SEZ6L: variants seen among roughly 807,000 people sequenced by gnomAD.
SEZ6L encodes the protein seizure related 6 homolog like, also known as seizure 6-like protein.
A neutral mutation model predicts 106.2 loss-of-function variants in SEZ6L; 37 were observed. The ratio of observed to expected loss-of-function variants is 0.35; its 90% CI spans 0.27 to 0.46. The LOEUF (loss-of-function observed/expected upper bound fraction) is 0.46. Ranked by LOEUF, SEZ6L falls within the 20% of genes least tolerant of loss-of-function variation. The pLI is 1.00. For synonymous variants in SEZ6L, 541 were observed against 570.4 expected (o/e 0.95, Z 0.73); for missense variants, 1,172 against 1,332.8 (o/e 0.88, Z 1.88).
At chr22:26,254,288 A>G (rs1234844974) in intron 1 of SEZ6L, among the ~76,000 whole-genome samples, 3 of 152,154 alleles carry the variant, frequency 2.0e-5, no homozygotes, top group African/African-American at 7.2e-5. Context: ...AACTGTAGCA[A>G]AAGTTGTATA....
In SEZ6L at chr22:26,311,447, G is replaced by T. The variant is rs2081827164; in HGVS notation, c.1682-321G>T. Among the ~76,000 whole-genome samples the T allele has an allele frequency of 2.0e-5, 3 of 152,194 alleles. 1 individual carries two copies. In the South Asian group the frequency reaches 6.2e-4, roughly 32 times the overall value. On this transcript the variant is annotated intron_variant, in intron 7 of 16. Transcript: ENST00000248933. ...ATAGACAGCCCTACAGTTTCCAGTGGCAAAAAGTCAGGGCTCTGAAGTTAC... is the reference window on the plus strand; with the variant it reads ...ATAGACAGCCCTACAGTTTCCAGTGTCAAAAAGTCAGGGCTCTGAAGTTAC...
At chr22:26,184,853 G>A (rs1939667892) in intron 1 of SEZ6L, among the ~76,000 whole-genome samples, 2 of 152,210 alleles carry the variant, frequency 1.3e-5, no homozygotes, top group African/African-American at 4.8e-5. Flanking sequence ...GGCTAAGAAG[G>A]CAGGTGGATC....
rs544244671 is a variant in SEZ6L at position 26,326,169 on chromosome 22, C to T, written c.2015+12267C>T. ...CTCCTTGGCCACGCCACGCTCTTCT[C>T]GCCTTGGTGACTGCAAGAGCCTACT... On this transcript the variant is annotated intron_variant, in intron 9 of 16. Transcript: ENST00000248933. 6.6e-5 allele frequency among the ~76,000 whole-genome samples: 10 copies of T among 152,334 alleles called. No homozygotes were observed. The East Asian group carries it at 1.5e-3, about 24-fold the overall frequency.
At chr22:26,193,396 C>T (rs548823683) in intron 1 of SEZ6L, among the ~76,000 whole-genome samples, 1 of 152,276 alleles carries the variant, frequency 6.6e-6, no homozygotes, top group South Asian at 2.1e-4. Flanking sequence ...GTAACATACT[C>T]AAGATCACAA....
At chr22:26,375,534 G>C (rs753515869) in intron 14 of SEZ6L, 41 bp from the exon 15 acceptor site, 1 of 1,552,638 alleles carries the variant, frequency 6.4e-7, no homozygotes, top group South Asian at 1.1e-5. Flanking sequence ...CTGGGAGTCA[G>C]CTACCTGGGA....
At chr22:26,232,997 C>T (rs553746431) in intron 1 of SEZ6L, among the ~76,000 whole-genome samples, 69 of 152,222 alleles carry the variant, frequency 4.5e-4, no homozygotes, top group Non-Finnish European at 6.2e-4. Flanking sequence ...ACACACACAC[C>T]CTTGTGTACT....
rs1392459609 is a variant in SEZ6L, at chr22:26,218,996, C to T, written c.94+49233C>T. On this transcript the variant is annotated intron_variant, in intron 1 of 16. Transcript: ENST00000248933. ...AAAGAAAAAAGTAAAGTAAGCAAAG[C>T]ACCTGGTCCCCCTGAAGAGTCATAG... Among the ~76,000 whole-genome samples, 6 of 152,198 alleles carry T rather than the reference C, an allele frequency of 3.9e-5. No individual in the cohort carries two copies. In the East Asian group the frequency reaches 1.2e-3, roughly 29 times the overall value.
At chr22:26,351,501 T>C in intron 12 of SEZ6L, 1 of 427,778 alleles carries the variant, frequency 2.3e-6, no homozygotes, top group Non-Finnish European at 4.1e-6. Flanking sequence ...GGGAGCATAG[T>C]ATACTTTGTT....
intron 1 of SEZ6L, among the ~76,000 whole-genome samples, chr22:26,265,958 T>G (rs115757289): frequency 1.9e-3 from 288 of 152,264 alleles, no homozygotes; most frequent in African/African-American, 6.6e-3. Flanking sequence ...TGGGGGGATG[T>G]TCCTGAAAAC....
intron 1 of SEZ6L, among the ~76,000 whole-genome samples, chr22:26,226,684 C>A (rs191606722): frequency 6.6e-6 from 1 of 152,278 alleles, no homozygotes; most frequent in Non-Finnish European, 1.5e-5. Context: ...TCCTCTCTAG[C>A]CTTTCTCTAA....
At chr22:26,379,394 C>A (rs2084340353) in intron 16 of SEZ6L, among the ~76,000 whole-genome samples, 1 of 152,242 alleles carries the variant, frequency 6.6e-6, no homozygotes, top group Admixed American at 6.5e-5. Context: ...GGGGACCCCA[C>A]AAAGGCATGA....
At chr22:26,178,715 T>C (rs1939188285) in intron 1 of SEZ6L, among the ~76,000 whole-genome samples, 1 of 152,066 alleles carries the variant, frequency 6.6e-6, no homozygotes, top group South Asian at 2.1e-4. Context: ...CCGTACACCA[T>C]AATAAAAAAG....
intron 13 of SEZ6L, among the ~76,000 whole-genome samples, chr22:26,371,290 G>A (rs912260164): frequency 3.3e-5 from 5 of 152,220 alleles, no homozygotes; most frequent in Admixed American, 1.3e-4. Context: ...TGATGGTGTG[G>A]GCAAAGATCT....
In SEZ6L at chr22:26,292,216, G is replaced by A. The variant is rs149660018; in HGVS notation, c.95-190G>A. On this transcript the variant is annotated intron_variant, in intron 1 of 16. Coordinates refer to ENST00000248933, the MANE Select transcript of SEZ6L (RefSeq NM_021115.5). ...GGTGGGAGGAAAAGAAGGAAGAAAAGAGAAAGAGGGAGAGAGGGAAGGAGG... is the reference window on the plus strand; with the variant it reads ...GGTGGGAGGAAAAGAAGGAAGAAAAAAGAAAGAGGGAGAGAGGGAAGGAGG... 1.2e-3 allele frequency: 645 copies of A among 534,282 alleles called. 2 individuals carry two copies. The highest frequency in any genetic ancestry group is 2.8e-3 in the Admixed American group (82 of 28,938). The allele number at this position is 534,282 out of a possible 1,614,324, so 33.1% of individuals were successfully genotyped here.
intron 1 of SEZ6L, among the ~76,000 whole-genome samples, chr22:26,179,805 C>T (rs1939266299): frequency 6.6e-6 from 1 of 152,154 alleles, no homozygotes; most frequent in Non-Finnish European, 1.5e-5. Context: ...GCTCACTCAC[C>T]ATAGATCTCT....
intron 1 of SEZ6L, among the ~76,000 whole-genome samples, chr22:26,265,243 T>C (rs922678774): frequency 6.6e-6 from 1 of 152,198 alleles, no homozygotes; most frequent in East Asian, 1.9e-4. Context: ...CTTGTCAACC[T>C]GAATTGCCTT....
At chr22:26,233,323 C>G (rs1273458707) in intron 1 of SEZ6L, among the ~76,000 whole-genome samples, 2 of 152,180 alleles carry the variant, frequency 1.3e-5, no homozygotes, top group Non-Finnish European at 2.9e-5. Flanking sequence ...GCGTGATCCC[C>G]CCTGGCACAT....
chr22:26,183,028 C>A (rs1939515779), intron 1 of SEZ6L, among the ~76,000 whole-genome samples: 1 of 152,096 alleles, frequency 6.6e-6, no homozygotes, highest in Non-Finnish European at 1.5e-5. Context: ...AGAAAGCAGA[C>A]CCCTGGGAAG....
chr22:26,381,991 A>G lies in SEZ6L; in HGVS notation c.*1696A>G. On this transcript the variant is annotated 3_prime_UTR_variant, in exon 17 of 17. Coordinates refer to ENST00000248933, the MANE Select transcript of SEZ6L (RefSeq NM_021115.5). ...GGAAACATCTTAAGCAAGATAGGGAAAGTTGATTTTAGGCACACATGTACC... is the reference window on the plus strand; with the variant it reads ...GGAAACATCTTAAGCAAGATAGGGAGAGTTGATTTTAGGCACACATGTACC... 1.9e-6 allele frequency: 1 copy of G among 518,282 alleles called. No homozygotes were observed. Among genetic ancestry groups the G allele is most frequent in the South Asian group, 1.4e-5 (1 of 71,428 alleles). The allele number at this position is 518,282 out of a possible 1,614,324, so 32.1% of individuals were successfully genotyped here. A position where few individuals can be genotyped will look rare whatever the true frequency, so the allele number is the denominator to read the frequency against.
Sources: allele counts gnomAD v4.1 joint callset (sites outside exome capture counted in the v4.1 genomes callset), GRCh38; gene constraint gnomAD v4.1.1; transcripts MANE v1.5; gene names NCBI Gene and HGNC (gene_info 2026-07-23, HGNC 2026-07-21).